Variants in PRRC2C observed in about 807,000 individuals in gnomAD.
PRRC2C encodes protein PRRC2C.
A neutral mutation model predicts 317.2 loss-of-function variants in PRRC2C; 72 were observed. The observed-to-expected ratio is 0.23, with a 90% confidence interval of 0.19 to 0.28. PRRC2C has a LOEUF of 0.28. PRRC2C is among the 10% of genes least tolerant of loss of function. The probability of loss-of-function intolerance (pLI) is 1.00; values close to 1 mark genes in which losing one functional copy is unlikely to be tolerated. For missense variants in PRRC2C, 3,074 were observed against 3,459.7 expected, an observed-to-expected ratio of 0.89 and a Z score of 2.80; for synonymous variants, 1,296 against 1,205.9, an observed-to-expected ratio of 1.07 and a Z score of -1.55.
At position 171,540,823 on chromosome 1, in the gene PRRC2C, T is replaced by G; in HGVS notation, c.3357T>G (p.Pro1119=). The change falls in exon 16 of 35, where the codon CCT becomes CCG. Residue 1119 remains proline, a synonymous_variant. Transcript: ENST00000647382. ...CTGTGAGTACTGTTCAGGTAGAGCCTGCAGTTAAGACTGTAAACCAACAGA... is the reference window on the plus strand; with the variant it reads ...CTGTGAGTACTGTTCAGGTAGAGCCGGCAGTTAAGACTGTAAACCAACAGA... ...LEPVSTVQVE[P]AVKTVNQQTM... The G allele has an allele frequency of 6.2e-7, 1 of 1,613,752 alleles. No homozygotes were observed. The highest frequency in any genetic ancestry group is 8.5e-7 in the Non-Finnish European group (1 of 1,179,822).
chr1:171,491,390 G>A (rs1325457032), intron 1 of PRRC2C, among the ~76,000 whole-genome samples: 1 of 152,292 alleles, frequency 6.6e-6, no homozygotes, highest in East Asian at 1.9e-4. Flanking sequence ...ACAGAGTCCT[G>A]TGCCCCAGCT....
chr1:171,493,423 T>G (rs961896525), intron 1 of PRRC2C, among the ~76,000 whole-genome samples: 1 of 152,172 alleles, frequency 6.6e-6, no homozygotes, highest in South Asian at 2.1e-4. Context: ...TCACTTGAGC[T>G]CAAGTTCAGG....
At chr1:171,525,506 G>T (rs1251915156) in intron 10 of PRRC2C, among the ~76,000 whole-genome samples, 1 of 152,184 alleles carries the variant, frequency 6.6e-6, no homozygotes, top group Non-Finnish European at 1.5e-5. Flanking sequence ...CTACTTTCAA[G>T]GGAGTCCACT....
intron 20 of PRRC2C, among the ~76,000 whole-genome samples, chr1:171,564,418 C>A (rs1044700580): frequency 6.6e-6 from 1 of 152,130 alleles, no homozygotes; most frequent in Non-Finnish European, 1.5e-5. Context: ...TTTGTATATA[C>A]AGTTAATAGC....
At chr1:171,588,187 C>A (rs1650493267) in intron 32 of PRRC2C, among the ~76,000 whole-genome samples, 192 bp from the exon 33 acceptor site, 1 of 152,170 alleles carries the variant, frequency 6.6e-6, no homozygotes, top group Non-Finnish European at 1.5e-5. Flanking sequence ...GCCAATCTAA[C>A]TGGTAACTGG....
At chr1:171,503,049 A>G (rs10913149) in intron 1 of PRRC2C, among the ~76,000 whole-genome samples, 18,818 of 152,170 alleles carry the variant, frequency 0.12, 1,230 homozygotes, top group East Asian at 0.22. Flanking sequence ...CTAAGGTTTT[A>G]ATGTCCAATG....
At chr1:171,498,038 G>C (rs1176683531) in intron 1 of PRRC2C, among the ~76,000 whole-genome samples, 2 of 148,766 alleles carry the variant, frequency 1.3e-5, no homozygotes, top group Non-Finnish European at 3.0e-5. Context: ...TGTTGCCCAG[G>C]CTGGTCTTGA....
At chr1:171,546,608 T>C (rs915943370) in intron 17 of PRRC2C, among the ~76,000 whole-genome samples, 2 of 152,182 alleles carry the variant, frequency 1.3e-5, no homozygotes, top group Non-Finnish European at 2.9e-5. Context: ...TTTGTTTGTT[T>C]GTTTGTTTTG....
intron 17 of PRRC2C, 73 bp from the exon 18 acceptor site, chr1:171,550,013 A>G (rs1386707697): frequency 8.1e-7 from 1 of 1,237,978 alleles, no homozygotes; most frequent in Non-Finnish European, 1.1e-6. Context: ...TTTAAGTACT[A>G]CTGTACTAAA....
chr1:171,557,013 A>G (rs1351728869), intron 18 of PRRC2C, among the ~76,000 whole-genome samples: 1 of 152,208 alleles, frequency 6.6e-6, no homozygotes, highest in African/African-American at 2.4e-5. Flanking sequence ...TTTCAGAATT[A>G]TGTACCTGTA....
intron 11 of PRRC2C, among the ~76,000 whole-genome samples, chr1:171,529,971 C>G (rs1450274938): frequency 6.6e-6 from 1 of 152,194 alleles, no homozygotes; most frequent in East Asian, 1.9e-4. Context: ...TCGTTTCCAG[C>G]AATCCCTCTC....
chr1:171,520,893 C>T lies in PRRC2C; in HGVS notation c.751-1284C>T, dbSNP rs140237831. On this transcript the variant is annotated intron_variant, in intron 6 of 34. Transcript: ENST00000647382. Reference sequence around the variant, plus strand: ...GATCTCAGCTCACTGCAACCTCCACCTCCTGGGTTCAAGTGATTGTTGTGT... The same window carrying T: ...GATCTCAGCTCACTGCAACCTCCACTTCCTGGGTTCAAGTGATTGTTGTGT... Among the ~76,000 whole-genome samples, 1,124 of 151,352 alleles carry T rather than the reference C, an allele frequency of 7.4e-3. 14 individuals carry two copies. Among genetic ancestry groups the T allele is most frequent in the African/African-American group, 0.026 (1,070 of 41,174 alleles).
intron 23 of PRRC2C, among the ~76,000 whole-genome samples, chr1:171,570,138 C>T (rs549396860): frequency 3.9e-5 from 6 of 152,244 alleles, no homozygotes; most frequent in Admixed American, 6.5e-5. Context: ...GAAAGGATTT[C>T]ATGGTGTTGC....
At position 171,540,655 on chromosome 1, in the gene PRRC2C, CCCA is replaced by C. The variant is rs1338669947; in HGVS notation, c.3198_3200del (p.Pro1067del). 5 of 1,613,800 alleles carry C rather than the reference CCCA, an allele frequency of 3.1e-6. No homozygotes were observed. The highest frequency in any genetic ancestry group is 4.2e-6 in the Non-Finnish European group (5 of 1,179,880). On this transcript the variant is annotated inframe_deletion, in exon 16 of 35. Transcript: ENST00000647382. ...CGGAAAAGAAGGATCTTCCTCCTCC[CCCA>C]CCACCACCTCAGCCACCAGCACCAA...
chr1:171,539,307 A>G (rs567095929), intron 15 of PRRC2C, among the ~76,000 whole-genome samples: 58 of 152,176 alleles, frequency 3.8e-4, no homozygotes, highest in Non-Finnish European at 7.6e-4. Context: ...ACCCGGCCCT[A>G]TTTATTTTTA....
intron 16 of PRRC2C, among the ~76,000 whole-genome samples, chr1:171,544,191 C>T (rs922546344): frequency 6.6e-6 from 1 of 152,076 alleles, no homozygotes; most frequent in Non-Finnish European, 1.5e-5. Flanking sequence ...GGCGCAATCT[C>T]TGCTCACTGC....
At chr1:171,501,042 G>T (rs1669022776) in intron 1 of PRRC2C, among the ~76,000 whole-genome samples, 1 of 151,948 alleles carries the variant, frequency 6.6e-6, no homozygotes, top group African/African-American at 2.4e-5. Context: ...GGGACTGCAG[G>T]CGTGTGCCAC....
At chr1:171,509,327 G>A (rs1274027822) in intron 1 of PRRC2C, among the ~76,000 whole-genome samples, 1 of 152,170 alleles carries the variant, frequency 6.6e-6, no homozygotes, top group Non-Finnish European at 1.5e-5. Flanking sequence ...ATGTAAACAG[G>A]CAGTGTGGGG....
At chr1:171,532,289 A>C (rs1194400750) in intron 11 of PRRC2C, 54 bp from the exon 12 acceptor site, 29 of 1,520,584 alleles carry the variant, frequency 1.9e-5, no homozygotes, top group Non-Finnish European at 2.2e-5. Flanking sequence ...CCTGATACCC[A>C]GTGTTAGTCA....
Sources: gnomAD v4.1 joint callset for allele counts (sites outside exome capture counted in the v4.1 genomes callset) on GRCh38, gnomAD v4.1.1 for gene constraint, MANE v1.5 for transcripts, NCBI Gene and HGNC (gene_info 2026-07-23, HGNC 2026-07-21) for gene names.